Variants in GATAD2A observed in about 807,000 individuals in gnomAD.
GATAD2A encodes GATA zinc finger domain containing 2A.
A neutral mutation model predicts 68.5 loss-of-function variants in GATAD2A; 12 were observed. That is an observed-to-expected ratio of 0.18 (90% confidence interval 0.11 to 0.28). GATAD2A has a LOEUF of 0.28. Ranked by LOEUF, GATAD2A falls within the 10% of genes least tolerant of loss-of-function variation. The pLI is 1.00. For synonymous variants in GATAD2A, 410 were observed against 375.3 expected, an observed-to-expected ratio of 1.09 and a Z score of -1.07; for missense variants, 755 against 868.5, an observed-to-expected ratio of 0.87 and a Z score of 1.64.
At chr19:19,465,704 G>T (rs2057812865) in intron 2 of GATAD2A, 90 bp downstream of exon 2, 1 of 1,432,142 alleles carries the variant, frequency 7.0e-7, no homozygotes, top group African/African-American at 1.4e-5. Context: ...AGGCCTGTTG[G>T]TAACAGCTTG....
At chr19:19,410,430 G>T (rs2050784430) in intron 1 of GATAD2A, among the ~76,000 whole-genome samples, 1 of 152,152 alleles carries the variant, frequency 6.6e-6, no homozygotes, top group Non-Finnish European at 1.5e-5. Flanking sequence ...GTGGGGAGGG[G>T]TGTGGCCATG....
In GATAD2A at chr19:19,415,749, C is replaced by G. The variant is rs2051544975; in HGVS notation, c.-7+9730C>G. ...TCTCCTGCCTCAGCCTCCCAAGTAG[C>G]TGGGACTACAGGCACATGCCACCAC... On this transcript the variant is annotated intron_variant, in intron 1 of 11. Coordinates refer to ENST00000683918, the MANE Select transcript of GATAD2A (RefSeq NM_001384528.1). Among the ~76,000 whole-genome samples, 4 of 151,410 alleles carry G rather than the reference C, an allele frequency of 2.6e-5. No individual in the cohort carries two copies. In the South Asian group the frequency reaches 8.3e-4, roughly 32 times the overall value.
At chr19:19,457,294 C>A in intron 1 of GATAD2A, 1 of 944,932 alleles carries the variant, frequency 1.1e-6, no homozygotes, top group Non-Finnish European at 1.3e-6. Context: ...AGGGGCCTCC[C>A]AGAGCTTCTT....
At chr19:19,390,028 TGTTG>T (rs2048732287) in intron 1 of GATAD2A, among the ~76,000 whole-genome samples, 1 of 152,090 alleles carries the variant, frequency 6.6e-6, no homozygotes, top group South Asian at 2.1e-4. Flanking sequence ...CCTCCCAAGG[TGTTG>T]GGATTACAGG....
chr19:19,448,874 G>A (rs2056057484), intron 1 of GATAD2A, among the ~76,000 whole-genome samples: 1 of 152,150 alleles, frequency 6.6e-6, no homozygotes, highest in South Asian at 2.1e-4. Flanking sequence ...ACAACTTGGG[G>A]GTGAAGACAG....
chr19:19,451,909 G>C (rs1447901590), intron 1 of GATAD2A, among the ~76,000 whole-genome samples: 1 of 152,128 alleles, frequency 6.6e-6, no homozygotes, highest in African/African-American at 2.4e-5. Context: ...GCAGTGGTGC[G>C]ATCATTGCAG....
At chr19:19,424,173 C>T (rs1475816727) in intron 1 of GATAD2A, among the ~76,000 whole-genome samples, 1 of 152,166 alleles carries the variant, frequency 6.6e-6, no homozygotes, top group African/African-American at 2.4e-5. Context: ...ATCCTCCCAC[C>T]TCAGCGTCCC....
At chr19:19,389,863 C>G (rs143425928) in intron 1 of GATAD2A, among the ~76,000 whole-genome samples, 137 of 152,268 alleles carry the variant, frequency 9.0e-4, no homozygotes, top group African/African-American at 3.2e-3. Context: ...TACTGGCTCA[C>G]GTGATCCTCC....
At chr19:19,495,110 C>T (rs2060055435) in intron 5 of GATAD2A, among the ~76,000 whole-genome samples, 1 of 152,010 alleles carries the variant, frequency 6.6e-6, no homozygotes, top group Non-Finnish European at 1.5e-5. Context: ...ATCCTCCTGC[C>T]TCAGCCTCCC....
intron 7 of GATAD2A, among the ~76,000 whole-genome samples, 177 bp downstream of exon 7, chr19:19,496,396 C>T (rs2060151311): frequency 6.6e-6 from 1 of 152,166 alleles, no homozygotes; most frequent in African/African-American, 2.4e-5. Flanking sequence ...ACAGGGCTGT[C>T]TGGGTCGTGG....
chr19:19,419,756 T>A (rs1020928502), intron 1 of GATAD2A, among the ~76,000 whole-genome samples: 3 of 152,016 alleles, frequency 2.0e-5, no homozygotes, highest in African/African-American at 7.3e-5. Context: ...CCTCAGGTGA[T>A]CCGCCTGCCT....
At position 19,431,133 on chromosome 19, in the gene GATAD2A, A is replaced by G. The variant is rs544035104; in HGVS notation, c.-7+25114A>G. On this transcript the variant is annotated intron_variant, in intron 1 of 11. Transcript: ENST00000683918. The stretch of plus-strand genomic sequence containing the variant: ...GGTTACTTGATACTGCTTTAAATGT[A>G]TGGGTTGGAGATAAAAACAGTAAAA... 9.9e-5 allele frequency among the ~76,000 whole-genome samples: 15 copies of G among 151,920 alleles called. No individual in the cohort carries two copies. In the South Asian group the frequency reaches 2.3e-3, roughly 23 times the overall value.
intron 11 of GATAD2A, among the ~76,000 whole-genome samples, chr19:19,503,357 T>C (rs1224376990): frequency 6.6e-6 from 1 of 151,966 alleles, no homozygotes; most frequent in Admixed American, 6.6e-5. Flanking sequence ...GAGAGCCTGC[T>C]GAGCCTGCCG....
At chr19:19,429,260 G>T in intron 1 of GATAD2A, 1 of 983,918 alleles carries the variant, frequency 1.0e-6, no homozygotes, top group South Asian at 4.7e-5. Context: ...GGCTGGGGGG[G>T]AGAGCTTGCC....
At chr19:19,410,835 C>T (rs2050831846) in intron 1 of GATAD2A, among the ~76,000 whole-genome samples, 1 of 152,214 alleles carries the variant, frequency 6.6e-6, no homozygotes, top group Admixed American at 6.5e-5. Context: ...CCTTGTTGAA[C>T]ATCACCCCTG....
At chr19:19,403,524 G>A (rs2049945994), upstream of GATAD2A, among the ~76,000 whole-genome samples, 1 of 152,088 alleles carries the variant, frequency 6.6e-6, no homozygotes, top group Non-Finnish European at 1.5e-5. Flanking sequence ...CTCCACAGGG[G>A]TGTGTCATTA....
chr19:19,504,430 C>T (rs1339289525), intron 11 of GATAD2A, among the ~76,000 whole-genome samples: 1 of 152,032 alleles, frequency 6.6e-6, no homozygotes, highest in East Asian at 1.9e-4. Flanking sequence ...CTTGAGGGTC[C>T]TTTGTGGAAA....
At chr19:19,498,312 C>CT in intron 7 of GATAD2A, 131 bp from the exon 8 acceptor site, 1 of 813,220 alleles carries the variant, frequency 1.2e-6, no homozygotes, top group Non-Finnish European at 1.9e-6. Flanking sequence ...GCTGGGTTCA[C>CT]TTTTGTTAAG....
chr19:19,470,148 T>TA (rs1227791224), intron 2 of GATAD2A, among the ~76,000 whole-genome samples: 102 of 136,454 alleles, frequency 7.5e-4, no homozygotes, highest in South Asian at 2.6e-3. Context: ...ACTTTATTTT[T>TA]TTTTTTGTTT....
Sources: gnomAD v4.1 joint callset for allele counts (sites outside exome capture counted in the v4.1 genomes callset) on GRCh38, gnomAD v4.1.1 for gene constraint, MANE v1.5 for transcripts, NCBI Gene and HGNC (gene_info 2026-07-23, HGNC 2026-07-21) for gene names.